Variants in FHIT observed in about 807,000 individuals in gnomAD.
FHIT encodes fragile histidine triad diadenosine triphosphatase, also known as bis(5'-adenosyl)-triphosphatase.
Under a neutral mutation model 17.9 loss-of-function variants are expected in FHIT, and 19 were observed. That is an observed-to-expected ratio of 1.06 (90% confidence interval 0.74 to 1.56). The LOEUF (loss-of-function observed/expected upper bound fraction) is 1.56. FHIT is among the 40% of genes most tolerant of loss of function. The pLI is 0.00. For missense variants in FHIT, 248 were observed against 189.2 expected, an observed-to-expected ratio of 1.31 and a Z score of -1.82; for synonymous variants, 81 against 69.7, an observed-to-expected ratio of 1.16 and a Z score of -0.81.
intron 5 of FHIT, among the ~76,000 whole-genome samples, chr3:60,064,413 C>T (rs1301887386): frequency 6.6e-6 from 1 of 152,168 alleles, no homozygotes; most frequent in South Asian, 2.1e-4. Context: ...CCTTGTCCAC[C>T]ACTGCCATCT....
intron 4 of FHIT, among the ~76,000 whole-genome samples, chr3:60,563,174 C>T (rs982343164): frequency 7.9e-5 from 12 of 152,084 alleles, no homozygotes; most frequent in African/African-American, 2.9e-4. Flanking sequence ...CAAAGGCGAG[C>T]CCGATGGGAA....
At chr3:60,408,020 C>A (rs566368615) in intron 5 of FHIT, among the ~76,000 whole-genome samples, 1 of 152,188 alleles carries the variant, frequency 6.6e-6, no homozygotes, top group African/African-American at 2.4e-5. Flanking sequence ...CTACCAATGA[C>A]AGCACATGCC....
At chr3:61,029,700 C>A (rs1158617605) in intron 3 of FHIT, among the ~76,000 whole-genome samples, 2 of 152,310 alleles carry the variant, frequency 1.3e-5, no homozygotes, top group East Asian at 3.9e-4. Flanking sequence ...ACATTCTTAT[C>A]AGAAGCAAAG....
At chr3:60,626,619 T>C (rs1252955167) in intron 4 of FHIT, among the ~76,000 whole-genome samples, 1 of 152,072 alleles carries the variant, frequency 6.6e-6, no homozygotes, top group Non-Finnish European at 1.5e-5. Flanking sequence ...TAAGATCTTC[T>C]ATATATAAGA....
intron 4 of FHIT, among the ~76,000 whole-genome samples, chr3:60,752,258 C>A (rs1553717028): frequency 6.6e-6 from 1 of 152,110 alleles, no homozygotes; most frequent in Non-Finnish European, 1.5e-5. Flanking sequence ...TAGGTCACCT[C>A]AAAAAGAAAG....
intron 1 of FHIT, among the ~76,000 whole-genome samples, chr3:61,245,088 AG>A (rs2040458022): frequency 6.6e-6 from 1 of 152,206 alleles, no homozygotes; most frequent in South Asian, 2.1e-4. Flanking sequence ...GTAGAATTAA[AG>A]GTTATCTAAG....
At chr3:60,018,991 C>T (rs962878762) in intron 5 of FHIT, among the ~76,000 whole-genome samples, 1 of 152,058 alleles carries the variant, frequency 6.6e-6, no homozygotes, top group Non-Finnish European at 1.5e-5. Context: ...AAAACAACAA[C>T]AACAACAACA....
At chr3:60,437,158 C>T (rs1399068848) in intron 5 of FHIT, among the ~76,000 whole-genome samples, 1 of 152,020 alleles carries the variant, frequency 6.6e-6, no homozygotes, top group Non-Finnish European at 1.5e-5. Flanking sequence ...AAATCGTATG[C>T]CTTAAAAACC....
At chr3:60,419,689 T>C (rs1490271012) in intron 5 of FHIT, among the ~76,000 whole-genome samples, 1 of 152,192 alleles carries the variant, frequency 6.6e-6, no homozygotes, top group Admixed American at 6.5e-5. Flanking sequence ...TCTAATTTCT[T>C]ACTTTTAATT....
intron 5 of FHIT, among the ~76,000 whole-genome samples, chr3:60,239,872 T>G (rs1012688199): frequency 1.3e-5 from 2 of 152,188 alleles, no homozygotes; most frequent in African/African-American, 4.8e-5. Flanking sequence ...ATCTAAGAAG[T>G]TGAGACCTTG....
intron 5 of FHIT, among the ~76,000 whole-genome samples, chr3:60,405,793 C>G (rs1175836363): frequency 2.6e-5 from 4 of 152,210 alleles, no homozygotes; most frequent in African/African-American, 9.6e-5. Flanking sequence ...GCTAAGCATT[C>G]TGCAATGTAC....
intron 7 of FHIT, among the ~76,000 whole-genome samples, chr3:59,969,665 T>C (rs1023657911): frequency 7.2e-5 from 11 of 152,122 alleles, no homozygotes; most frequent in Non-Finnish European, 1.6e-4. Flanking sequence ...GTGTATTAGA[T>C]ACATTTTGTT....
chr3:60,665,374 T>C (rs1357825704), intron 4 of FHIT, among the ~76,000 whole-genome samples: 1 of 152,066 alleles, frequency 6.6e-6, no homozygotes, highest in Non-Finnish European at 1.5e-5. Flanking sequence ...AGAGAGGACA[T>C]TGAAGTCCTG....
In FHIT at chr3:61,103,314, CAGT is replaced by C. The variant is rs1295288771; in HGVS notation, c.-163-61218_-163-61216del. On this transcript the variant is annotated intron_variant, in intron 2 of 9. Coordinates refer to ENST00000492590, the MANE Select transcript of FHIT (RefSeq NM_002012.4). ...TTCTGCCTTCATTTCATTATTTACC[CAGT>C]AGTCATTCAGGAGCTGGTTGTTCAG... 4.6e-5 allele frequency among the ~76,000 whole-genome samples: 7 copies of C among 152,140 alleles called. No individual in the cohort carries two copies. In the East Asian group the frequency reaches 1.3e-3, roughly 29 times the overall value.
chr3:60,692,453 C>T (rs1277997295), intron 4 of FHIT, among the ~76,000 whole-genome samples: 2 of 152,018 alleles, frequency 1.3e-5, no homozygotes, highest in African/African-American at 4.8e-5. Flanking sequence ...AATGTAATCA[C>T]AAGGGTCATT....
intron 5 of FHIT, among the ~76,000 whole-genome samples, chr3:60,118,959 T>C (rs941457852): frequency 1.3e-5 from 2 of 150,860 alleles, no homozygotes; most frequent in Admixed American, 1.3e-4. Flanking sequence ...AGGCGGAGGT[T>C]GCAGTGAGCT....
rs869239307 is a variant in FHIT, at chr3:60,976,096, CTTTTTTTTTTTTTTTT to C, written c.-111+65935_-111+65950del. Among the ~76,000 whole-genome samples, 8 of 66,754 alleles carry C rather than the reference CTTTTTTTTTTTTTTTT, an allele frequency of 1.2e-4. 1 individual carries two copies. The highest frequency in any genetic ancestry group is 4.6e-4 in the African/African-American group (7 of 15,080). 43.8% of individuals were successfully genotyped at this position (66,754 alleles called of 152,430 possible). On this transcript the variant is annotated intron_variant, in intron 3 of 9. Coordinates refer to ENST00000492590, the MANE Select transcript of FHIT (RefSeq NM_002012.4). Reference sequence around the variant, plus strand: ...CTTTGTATCTTTCGTTTTTCTTTTTCTTTTTTTTTTTTTTTTTTTTTTTTTTTTGAGACGGAGTTTC... The same window carrying C: ...CTTTGTATCTTTCGTTTTTCTTTTTCTTTTTTTTTTTTGAGACGGAGTTTC...
intron 1 of FHIT, among the ~76,000 whole-genome samples, chr3:61,208,170 G>C (rs1403636392): frequency 6.6e-6 from 1 of 152,128 alleles, no homozygotes; most frequent in Non-Finnish European, 1.5e-5. Context: ...TTGCACTGTG[G>C]TCTGAGAGAC....
intron 5 of FHIT, among the ~76,000 whole-genome samples, chr3:60,130,764 G>T (rs62240246): frequency 1.7e-3 from 7 of 4,192 alleles, no homozygotes; most frequent in Non-Finnish European, 6.1e-3. Context: ...GTGTGTGTGT[G>T]TTTGTGTGTG....
Sources: allele counts gnomAD v4.1 joint callset (sites outside exome capture counted in the v4.1 genomes callset), GRCh38; gene constraint gnomAD v4.1.1; transcripts MANE v1.5; gene names NCBI Gene and HGNC (gene_info 2026-07-23, HGNC 2026-07-21).